The following E2F7 variants were observed in gnomAD, a reference collection of about 807,000 sequenced individuals.
E2F7 encodes E2F transcription factor 7, also known as transcription factor E2F7.
In E2F7, 35 loss-of-function variants were observed where a neutral mutation model predicts 81.1. The ratio of observed to expected loss-of-function variants is 0.43; its 90% CI spans 0.33 to 0.57. The LOEUF (loss-of-function observed/expected upper bound fraction) is 0.57, where lower values mean the gene tolerates loss of function less well. Among genes scored for constraint, E2F7 ranks in the 20% least tolerant of loss-of-function variants. E2F7 has a pLI of 0.04. For missense variants in E2F7, 961 were observed against 1,093.7 expected, an observed-to-expected ratio of 0.88 and a Z score of 1.71; for synonymous variants, 416 against 416.2, an observed-to-expected ratio of 1.00 and a Z score of 0.01.
Position 77,025,911 on chromosome 12 carries a change from G to T in E2F7, c.2212C>A (p.Leu738Met). ...ATGCAAGGGACACTGAAAGACGGCAGCTGACCTGAGGACGGGCCCACAGTA... is the reference window on the plus strand; with the variant it reads ...ATGCAAGGGACACTGAAAGACGGCATCTGACCTGAGGACGGGCCCACAGTA... ...PPTVGPSSGQLPSFSVPCMVL... is the reference protein window; with the variant it reads ...PPTVGPSSGQMPSFSVPCMVL... Residue 738 changes from leucine to methionine, a missense_variant, in exon 12 of 13, where the codon CTG becomes ATG. Transcript: ENST00000322886. The T allele has an allele frequency of 6.2e-7, 1 of 1,614,098 alleles. No individual in the cohort carries two copies. The highest frequency in any genetic ancestry group is 8.5e-7 in the Non-Finnish European group (1 of 1,179,998).
At chr12:77,060,797 T>C (rs1955071614) in intron 2 of E2F7, among the ~76,000 whole-genome samples, 1 of 152,160 alleles carries the variant, frequency 6.6e-6, no homozygotes, top group Non-Finnish European at 1.5e-5. Flanking sequence ...AGAGCACACT[T>C]TCTAGAAGCA....
In E2F7 at chr12:77,064,596, G is replaced by A; in HGVS notation, c.40C>T (p.Pro14Ser). Residue 14 changes from proline (P) to serine (S), a missense_variant, in exon 2 of 13, where the codon CCC becomes TCC. Around this residue, in one of 3 missense-constraint regions of E2F7, gnomAD observed 73 missense variants for 68.4 expected, o/e 1.07. Transcript: ENST00000322886. ...GCAAAATCTAGTCTGGGCTGCCTGG[G>A]GCTGATCAGGTCTTTTAGTGTTAAA... is the stretch of plus-strand genomic sequence containing the variant. ...NCLTLKDLISPRQPRLDFAVE... is the reference protein window; with the variant it reads ...NCLTLKDLISSRQPRLDFAVE... The A allele has an allele frequency of 6.2e-7, 1 of 1,614,028 alleles. No homozygotes were observed. The highest frequency in any genetic ancestry group is 8.5e-7 in the Non-Finnish European group (1 of 1,179,980).
In E2F7 at chr12:77,023,226, T is replaced by G. The variant is rs1351841450; in HGVS notation, c.*789A>C. 3 of 152,640 alleles carry G rather than the reference T, an allele frequency of 2.0e-5. No homozygotes were observed. Among genetic ancestry groups the G allele is most frequent in the Non-Finnish European group, 2.9e-5 (2 of 68,040 alleles). The allele number at this position is 152,640 out of a possible 1,614,324, so 9.5% of individuals were successfully genotyped here. On this transcript the variant is annotated 3_prime_UTR_variant, in exon 13 of 13. Coordinates refer to ENST00000322886, the MANE Select transcript of E2F7 (RefSeq NM_203394.3). ...ATTTTTAGAAACAAACAGTAATATCTCACTGTTCACACAGTTATTTGAGAA... is the reference window on the plus strand; with the variant it reads ...ATTTTTAGAAACAAACAGTAATATCGCACTGTTCACACAGTTATTTGAGAA...
At chr12:77,033,746 C>T in intron 8 of E2F7, 111 bp downstream of exon 8, 2 of 1,148,016 alleles carry the variant, frequency 1.7e-6, no homozygotes, top group Non-Finnish European at 1.2e-6. Context: ...AAAAAACAGC[C>T]AGGGCTGAGA....
At chr12:77,056,407 T>C (rs1955032975) in intron 2 of E2F7, among the ~76,000 whole-genome samples, 1 of 152,220 alleles carries the variant, frequency 6.6e-6, no homozygotes, top group South Asian at 2.1e-4. Context: ...TGCATGTTTA[T>C]AACAGATGAG....
At chr12:77,031,912 T>A (rs1954810986) in intron 9 of E2F7, among the ~76,000 whole-genome samples, 1 of 152,066 alleles carries the variant, frequency 6.6e-6, no homozygotes, top group East Asian at 1.9e-4. Context: ...CCACCCTGGG[T>A]ATATCACCCA....
In E2F7 at chr12:77,044,749, C is replaced by T. The variant is rs1241069428; in HGVS notation, c.876G>A (p.Gln292=). 6.2e-7 allele frequency: 1 copy of T among 1,614,160 alleles called. No homozygotes were observed. The highest frequency in any genetic ancestry group is 1.7e-5 in the Admixed American group (1 of 60,014). The part of the protein sequence containing the change: ...RKDKSLRIMS[Q]KFVMLFLVSK... Reference sequence around the variant, plus strand: ...AGACGAGGAACAGCATGACAAACTTCTGGCTCATAATTCTCAGAGACTTGT... The same window carrying T: ...AGACGAGGAACAGCATGACAAACTTTTGGCTCATAATTCTCAGAGACTTGT... The change falls in exon 6 of 13, where the codon CAG becomes CAA. Residue 292 remains glutamine (Q), a synonymous_variant. Coordinates refer to ENST00000322886, the MANE Select transcript of E2F7 (RefSeq NM_203394.3).
intron 1 of E2F7, among the ~76,000 whole-genome samples, 188 bp from the exon 2 acceptor site, chr12:77,064,823 C>T (rs1051132692): frequency 6.6e-6 from 1 of 151,962 alleles, no homozygotes; most frequent in African/African-American, 2.4e-5. Flanking sequence ...ACTCAAACAC[C>T]TAAAGTGTGC....
chr12:77,038,121 C>T (rs946596282), intron 7 of E2F7, among the ~76,000 whole-genome samples: 6 of 152,074 alleles, frequency 3.9e-5, no homozygotes, highest in East Asian at 1.9e-4. Flanking sequence ...TTTATGCAGA[C>T]AGAGTTCATG....
At chr12:77,024,216 G>A in intron 12 of E2F7, 31 bp from the exon 13 acceptor site, 2 of 1,602,952 alleles carry the variant, frequency 1.2e-6, no homozygotes, top group African/African-American at 2.7e-5. Context: ...AAACAGAAGT[G>A]AAGTCATATT....
At chr12:77,059,801 A>G (rs1378693063) in intron 2 of E2F7, among the ~76,000 whole-genome samples, 1 of 152,082 alleles carries the variant, frequency 6.6e-6, no homozygotes, top group African/African-American at 2.4e-5. Context: ...TACTGAAAAT[A>G]CAAAAACAAA....
intron 2 of E2F7, 142 bp from the exon 3 acceptor site, chr12:77,056,272 A>G: frequency 2.4e-6 from 2 of 826,968 alleles, no homozygotes; most frequent in East Asian, 2.7e-5. Flanking sequence ...GGATAGGACT[A>G]ACGAAAAGTA....
rs552023652 is a variant in E2F7 at position 77,029,796 on chromosome 12, G to A, written c.1884+35C>T. 6 of 1,608,864 alleles carry A rather than the reference G, an allele frequency of 3.7e-6. No homozygotes were observed. In the South Asian group the frequency reaches 6.6e-5, roughly 18 times the overall value. On this transcript the variant is annotated intron_variant, in intron 10 of 12. Coordinates refer to ENST00000322886, the MANE Select transcript of E2F7 (RefSeq NM_203394.3). ...TTAGGAAGAAGCTCAGGGCTAACAG[G>A]ATGTCACCAGACACATCCACCTGCA... is the stretch of plus-strand genomic sequence containing the variant.
chr12:77,056,021 G>A lies in E2F7; in HGVS notation c.203C>T (p.Thr68Ile), dbSNP rs750975106. 1.9e-6 allele frequency: 3 copies of A among 1,614,150 alleles called. No homozygotes were observed. The highest frequency in any genetic ancestry group is 1.7e-6 in the Non-Finnish European group (2 of 1,180,006). Reference protein sequence around the residue: ...KKFTPERNPITPVKFVDRQQA... With the variant: ...KKFTPERNPIIPVKFVDRQQA... ...CTGTCTGTCAACAAACTTAACTGGA[G>A]TAATGGGATTTCTTTCTGGAGTAAA... The change falls in exon 3 of 13, where the codon ACT (threonine) becomes ATT (isoleucine). Residue 68 changes from threonine (T) to isoleucine (I), a missense_variant. Around this residue, in one of 3 missense-constraint regions of E2F7, gnomAD observed 301 missense variants for 405.0 expected, o/e 0.74. Transcript: ENST00000322886.
intron 3 of E2F7, among the ~76,000 whole-genome samples, chr12:77,052,015 C>A (rs1268335457): frequency 2.6e-5 from 4 of 152,082 alleles, no homozygotes; most frequent in Admixed American, 2.6e-4. Flanking sequence ...TCCTGTACAA[C>A]AGTAACAGCA....
At chr12:77,034,126 C>A (rs1954829706) in intron 7 of E2F7, 84 bp from the exon 8 acceptor site, 2 of 1,202,296 alleles carry the variant, frequency 1.7e-6, no homozygotes, top group Admixed American at 2.6e-5. Flanking sequence ...GGCTTTGAAC[C>A]TATAATTGTA....
chr12:77,039,255 G>A (rs968156957), intron 7 of E2F7, among the ~76,000 whole-genome samples: 1 of 152,080 alleles, frequency 6.6e-6, no homozygotes, highest in Admixed American at 6.5e-5. Flanking sequence ...AGATTTCTTA[G>A]ATAAAAACTG....
At chr12:77,034,128 A>G in intron 7 of E2F7, 86 bp from the exon 8 acceptor site, 7 of 1,143,302 alleles carry the variant, frequency 6.1e-6, no homozygotes, top group Non-Finnish European at 7.3e-6. Context: ...CTTTGAACCT[A>G]TAATTGTAAT....
At position 77,023,749 on chromosome 12, in the gene E2F7, A is replaced by AG. The variant is rs910352414; in HGVS notation, c.*265dup. The AG allele has an allele frequency of 8.9e-6, 2 of 223,876 alleles. No individual in the cohort carries two copies. The highest frequency in any genetic ancestry group is 1.4e-5 in the Non-Finnish European group (2 of 138,346). The allele number at this position is 223,876 out of a possible 1,614,324, so 13.9% of individuals were successfully genotyped here. ...CGGTAGCCTATTCAGATCTACTTCC[A>AG]GAATAAGACGATTCTTGAATCAAAA... On this transcript the variant is annotated 3_prime_UTR_variant, in exon 13 of 13. Coordinates refer to ENST00000322886, the MANE Select transcript of E2F7 (RefSeq NM_203394.3).
Sources: gnomAD v4.1 joint callset for allele counts (sites outside exome capture counted in the v4.1 genomes callset) on GRCh38, gnomAD v4.1.1 for gene constraint, gnomAD v4.1.1 regional missense constraint, MANE v1.5 for transcripts, NCBI Gene and HGNC (gene_info 2026-07-23, HGNC 2026-07-21) for gene names.